CCDC150: variants seen among roughly 807,000 people sequenced by gnomAD.
CCDC150 encodes the protein coiled-coil domain-containing protein 150.
In CCDC150, 151 loss-of-function variants were observed where a neutral mutation model predicts 156.5. The ratio of observed to expected loss-of-function variants is 0.97; its 90% CI spans 0.85 to 1.10. The LOEUF is 1.10. Among genes scored for constraint, CCDC150 ranks in the 50% least tolerant of loss-of-function variants. CCDC150 has a pLI of 0.00. For synonymous variants in CCDC150, 452 were observed against 429.4 expected, an observed-to-expected ratio of 1.05 and a Z score of -0.65; for missense variants, 1,312 against 1,268.1, an observed-to-expected ratio of 1.03 and a Z score of -0.53.
intron 2 of CCDC150, among the ~76,000 whole-genome samples, chr2:196,655,271 T>C (rs934024626): frequency 5.3e-5 from 8 of 152,224 alleles, no homozygotes; most frequent in African/African-American, 1.9e-4. Flanking sequence ...GTTTTATATC[T>C]ACCTCTTTGT....
At chr2:196,674,102 CAT>C (rs1035670052) in intron 9 of CCDC150, 137 bp from the exon 10 acceptor site, 7 of 531,092 alleles carry the variant, frequency 1.3e-5, no homozygotes, top group African/African-American at 2.0e-5. Context: ...AAACTAATGA[CAT>C]GTGAATTGAG....
chr2:196,723,974 A>G (rs1184026690), intron 21 of CCDC150, among the ~76,000 whole-genome samples: 1 of 152,224 alleles, frequency 6.6e-6, no homozygotes, highest in Non-Finnish European at 1.5e-5. Context: ...ATGATTAAAG[A>G]TTATGGAAAA....
intron 1 of CCDC150, among the ~76,000 whole-genome samples, chr2:196,643,565 T>C (rs1692362863): frequency 1.3e-5 from 2 of 152,218 alleles, no homozygotes; most frequent in South Asian, 4.1e-4. Context: ...ATTTGAACAA[T>C]TACATGAAAA....
intron 1 of CCDC150, among the ~76,000 whole-genome samples, chr2:196,640,474 G>C (rs1692148259): frequency 6.6e-6 from 1 of 152,142 alleles, no homozygotes; most frequent in Admixed American, 6.5e-5. Context: ...GAGCTCTTCA[G>C]AAATTAGTCT....
chr2:196,680,388 C>A (rs1007817590), intron 13 of CCDC150, among the ~76,000 whole-genome samples: 1 of 152,130 alleles, frequency 6.6e-6, no homozygotes, highest in African/African-American at 2.4e-5. Flanking sequence ...CCTCCACCCC[C>A]CCAGGCTCAG....
chr2:196,721,467 G>T, intron 20 of CCDC150, 55 bp from the exon 21 acceptor site: 1 of 1,392,492 alleles, frequency 7.2e-7, no homozygotes, highest in South Asian at 1.5e-5. Flanking sequence ...CAGTGTTATG[G>T]ACTTCTTGCA....
chr2:196,678,141 T>C (rs1268328094), intron 13 of CCDC150, among the ~76,000 whole-genome samples: 1 of 152,192 alleles, frequency 6.6e-6, no homozygotes, highest in African/African-American at 2.4e-5. Context: ...CAAGAACCAA[T>C]CTTTAAAACA....
chr2:196,717,815 C>G (rs925087123), intron 17 of CCDC150, among the ~76,000 whole-genome samples: 1 of 151,868 alleles, frequency 6.6e-6, no homozygotes, highest in Non-Finnish European at 1.5e-5. Flanking sequence ...CGCTTGATCC[C>G]GGAAGGTGGA....
rs146455752 is a variant in CCDC150, at chr2:196,674,304, A to G, written c.1093A>G (p.Met365Val). ...GAGCTGCATGCTTCAGACTGTTACTATGGAAAAAGCCAGAATCATTGCTGA... is the reference window on the plus strand; with the variant it reads ...GAGCTGCATGCTTCAGACTGTTACTGTGGAAAAAGCCAGAATCATTGCTGA... Reference protein sequence around the residue: ...ELSCMLQTVTMEKARIIADHQ... With the variant: ...ELSCMLQTVTVEKARIIADHQ... The change falls in exon 10 of 28, where the codon ATG becomes GTG. Residue 365 changes from methionine to valine, a missense_variant. By Grantham distance (21) the Met-to-Val change is conservative (BLOSUM62 1). Transcript: ENST00000389175. The G allele has an allele frequency of 2.2e-4, 345 of 1,604,400 alleles. 3 individuals carry two copies. The East Asian group carries it at 7.0e-3, about 32-fold the overall frequency.
At chr2:196,649,337 G>A (rs1692739882) in intron 2 of CCDC150, among the ~76,000 whole-genome samples, 1 of 152,170 alleles carries the variant, frequency 6.6e-6, no homozygotes, top group African/African-American at 2.4e-5. Flanking sequence ...GTGTATATTA[G>A]TGGTGGTCCC....
In CCDC150 at chr2:196,732,575, G is replaced by A. The variant is rs757734139; in HGVS notation, c.*13G>A. On this transcript the variant is annotated 3_prime_UTR_variant, in exon 28 of 28. Coordinates refer to ENST00000389175, the MANE Select transcript of CCDC150 (RefSeq NM_001080539.2). ...ACAGAGGAAGTGATGTCCTTGACAA[G>A]GGAGCTTCTTTATGTGTAGCTACAC... is the stretch of plus-strand genomic sequence containing the variant. 6.4e-7 allele frequency: 1 copy of A among 1,553,750 alleles called. No homozygotes were observed. Among genetic ancestry groups the A allele is most frequent in the East Asian group, 2.2e-5 (1 of 44,552 alleles).
chr2:196,729,115 A>T, intron 22 of CCDC150, 78 bp from the exon 23 acceptor site: 1 of 1,273,904 alleles, frequency 7.8e-7, no homozygotes, highest in Non-Finnish European at 1.1e-6. Flanking sequence ...CAAAGATGAT[A>T]AAATATAAGG....
chr2:196,652,409 A>C (rs760608194), intron 2 of CCDC150, among the ~76,000 whole-genome samples: 1 of 152,254 alleles, frequency 6.6e-6, no homozygotes, highest in Non-Finnish European at 1.5e-5. Context: ...GAAATTGGCT[A>C]AAAGAAAGGA....
At chr2:196,691,997 C>T (rs1249343300) in intron 13 of CCDC150, among the ~76,000 whole-genome samples, 2 of 151,900 alleles carry the variant, frequency 1.3e-5, no homozygotes, top group Non-Finnish European at 2.9e-5. Context: ...GTTTTTGTGT[C>T]TCTATCTCCT....
At chr2:196,647,419 T>G (rs1211946977) in intron 2 of CCDC150, among the ~76,000 whole-genome samples, 1 of 152,088 alleles carries the variant, frequency 6.6e-6, no homozygotes, top group Non-Finnish European at 1.5e-5. Context: ...TTTAAATATT[T>G]AACATATTTT....
chr2:196,692,898 C>G (rs975535932), intron 13 of CCDC150, among the ~76,000 whole-genome samples: 1 of 152,116 alleles, frequency 6.6e-6, no homozygotes, highest in Admixed American at 6.6e-5. Flanking sequence ...TCTCCATGAT[C>G]TAATATTGTC....
chr2:196,691,646 T>TA (rs1559247015), intron 13 of CCDC150, among the ~76,000 whole-genome samples: 13 of 151,712 alleles, frequency 8.6e-5, no homozygotes, highest in Admixed American at 3.9e-4. Context: ...TTTTTTTTTT[T>TA]TAAAACAGCT....
chr2:196,676,388 C>G (rs1694506463), intron 11 of CCDC150, 121 bp downstream of exon 11: 4 of 1,381,684 alleles, frequency 2.9e-6, no homozygotes, highest in Non-Finnish European at 4.0e-6. Flanking sequence ...TTTGGGCCAG[C>G]CACAGAGCTA....
intron 15 of CCDC150, among the ~76,000 whole-genome samples, chr2:196,708,500 A>C (rs534025906): frequency 3.9e-5 from 6 of 152,266 alleles, no homozygotes; most frequent in African/African-American, 1.4e-4. Flanking sequence ...CATTTAGTCC[A>C]TTTACATTTA....
Sources: gnomAD v4.1 joint callset for allele counts (sites outside exome capture counted in the v4.1 genomes callset) on GRCh38, gnomAD v4.1.1 for gene constraint, MANE v1.5 for transcripts, NCBI Gene and HGNC (gene_info 2026-07-23, HGNC 2026-07-21) for gene names.